The following NYAP2 variants were observed in gnomAD, a reference collection of about 807,000 sequenced individuals.
NYAP2 encodes neuronal tyrosine-phosphorylated phosphoinositide-3-kinase adapter 2.
Under a neutral mutation model 50.4 loss-of-function variants are expected in NYAP2, and 23 were observed. That is an observed-to-expected ratio of 0.46 (90% confidence interval 0.33 to 0.65). The LOEUF is 0.65. NYAP2 is among the 30% of genes least tolerant of loss of function. The probability of loss-of-function intolerance (pLI) is 0.02; values close to 1 mark genes in which losing one functional copy is unlikely to be tolerated. For synonymous variants in NYAP2, 394 were observed against 365.2 expected (o/e 1.08, Z -0.90); for missense variants, 885 against 861.0 (o/e 1.03, Z -0.35).
At chr2:225,544,345 T>C (rs1347875775) in intron 4 of NYAP2, among the ~76,000 whole-genome samples, 2 of 151,904 alleles carry the variant, frequency 1.3e-5, no homozygotes, top group Non-Finnish European at 2.9e-5. Context: ...TTTTCTGGTC[T>C]TCTTTCTTCC....
chr2:225,662,898 A>G, the NYAP2 span, among the ~76,000 whole-genome samples: 1 of 152,228 alleles, frequency 6.6e-6, no homozygotes, highest in African/African-American at 2.4e-5. Flanking sequence ...CTACCCTTGG[A>G]GAAAGCAAAC....
chr2:225,663,941 C>T, the NYAP2 span, among the ~76,000 whole-genome samples: 10 of 152,132 alleles, frequency 6.6e-5, no homozygotes, highest in African/African-American at 2.4e-4. Flanking sequence ...TAGTCCTTGA[C>T]TCCTGGCAAA....
At chr2:225,657,534 G>A (rs1253887297), downstream of NYAP2, among the ~76,000 whole-genome samples, 1 of 143,166 alleles carries the variant, frequency 7.0e-6, no homozygotes, top group Non-Finnish European at 1.5e-5. Context: ...ACAAAAACAA[G>A]TCCTAAGGGC....
downstream of NYAP2, among the ~76,000 whole-genome samples, chr2:225,655,885 T>TAA (rs1294711754): frequency 9.9e-5 from 12 of 121,214 alleles, no homozygotes; most frequent in African/African-American, 3.7e-4. Flanking sequence ...CAACCTCCAC[T>TAA]ACACACACAC....
chr2:225,601,670 A>G (rs1463797128), intron 5 of NYAP2, among the ~76,000 whole-genome samples: 1 of 152,094 alleles, frequency 6.6e-6, no homozygotes, highest in African/African-American at 2.4e-5. Context: ...CTTATTGGCC[A>G]TTTATATGCC....
chr2:225,552,439 CG>C, intron 4 of NYAP2, among the ~76,000 whole-genome samples: 1 of 152,266 alleles, frequency 6.6e-6, no homozygotes, highest in East Asian at 1.9e-4. Context: ...ATGATGAATT[CG>C]TCATCCACAA....
chr2:225,628,491 T>A (rs1693252574), intron 6 of NYAP2, among the ~76,000 whole-genome samples: 1 of 151,806 alleles, frequency 6.6e-6, no homozygotes, highest in African/African-American at 2.4e-5. Flanking sequence ...CCAGCTAAGT[T>A]TTTGTATTTT....
chr2:225,655,151 G>A (rs894885457), downstream of NYAP2, among the ~76,000 whole-genome samples: 1 of 152,142 alleles, frequency 6.6e-6, no homozygotes, highest in Non-Finnish European at 1.5e-5. Context: ...GCAGACACAC[G>A]ATCTGTAGAA....
chr2:225,459,642 A>T (rs1238525362), intron 3 of NYAP2, among the ~76,000 whole-genome samples: 2 of 151,340 alleles, frequency 1.3e-5, no homozygotes, highest in African/African-American at 2.4e-5. Flanking sequence ...TTATTTATTT[A>T]TTTTATTTAT....
chr2:225,651,347 C>A (rs139775242), intron 6 of NYAP2, 85 bp from the exon 7 acceptor site: 1 of 1,554,164 alleles, frequency 6.4e-7, no homozygotes, highest in South Asian at 1.1e-5. Flanking sequence ...GAATAAGTAG[C>A]GAAACAAACA....
intron 3 of NYAP2, among the ~76,000 whole-genome samples, chr2:225,494,424 C>G (rs764400541): frequency 6.6e-6 from 1 of 152,150 alleles, no homozygotes; most frequent in Non-Finnish European, 1.5e-5. Context: ...ACATCCAGTC[C>G]CATTCATTGT....
downstream of NYAP2, among the ~76,000 whole-genome samples, chr2:225,655,722 A>G (rs1008898209): frequency 2.0e-5 from 3 of 152,174 alleles, no homozygotes; most frequent in African/African-American, 7.2e-5. Context: ...GTGATGCTAT[A>G]GCAGCTGATG....
the NYAP2 span, among the ~76,000 whole-genome samples, chr2:225,684,562 T>G: frequency 6.8e-5 from 10 of 147,568 alleles, no homozygotes; most frequent in Admixed American, 1.3e-4. Flanking sequence ...AGTTTTTTTG[T>G]TTTTTTTTTG....
At chr2:225,662,740 C>T in the NYAP2 span, among the ~76,000 whole-genome samples, 4 of 152,176 alleles carry the variant, frequency 2.6e-5, no homozygotes, top group Admixed American at 2.0e-4. Context: ...CTACCCAACC[C>T]AATCAACTTT....
intron 4 of NYAP2, among the ~76,000 whole-genome samples, chr2:225,576,343 G>T (rs1023579188): frequency 2.0e-5 from 3 of 152,110 alleles, no homozygotes; most frequent in African/African-American, 7.2e-5. Flanking sequence ...TTTTGTACAT[G>T]ATTACACTTT....
chr2:225,621,078 C>T (rs1335444897), intron 5 of NYAP2, among the ~76,000 whole-genome samples: 1 of 141,190 alleles, frequency 7.1e-6, no homozygotes, highest in Non-Finnish European at 1.5e-5. Context: ...CGTGCCACTG[C>T]ACTCCAGCCT....
chr2:225,655,907 C>CACACACACACACACACACACACAT (rs1188029337), downstream of NYAP2, among the ~76,000 whole-genome samples: 931 of 144,562 alleles, frequency 6.4e-3, 11 homozygotes, highest in African/African-American at 0.023. Flanking sequence ...CACACACACA[C>CACACACACACACACACACACACAT]ACACACACAC....
intron 3 of NYAP2, among the ~76,000 whole-genome samples, chr2:225,471,440 T>C (rs1383691396): frequency 3.9e-5 from 6 of 152,364 alleles, no homozygotes; most frequent in Admixed American, 1.3e-4. Flanking sequence ...AAATAGTTTT[T>C]TTATTCTCTG....
At chr2:225,413,300 CA>C (rs1200438579) in intron 3 of NYAP2, among the ~76,000 whole-genome samples, 1 of 151,448 alleles carries the variant, frequency 6.6e-6, no homozygotes, top group Non-Finnish European at 1.5e-5. Context: ...TGAAACAGGC[CA>C]AAAAAATAAA....
Sources: allele counts gnomAD v4.1 joint callset (sites outside exome capture counted in the v4.1 genomes callset), GRCh38; gene constraint gnomAD v4.1.1; transcripts MANE v1.5; gene names NCBI Gene and HGNC (gene_info 2026-07-23, HGNC 2026-07-21).